The following CDKL1 variants were observed in gnomAD, a reference collection of about 807,000 sequenced individuals.
CDKL1 encodes cyclin dependent kinase like 1, also known as cyclin-dependent kinase-like 1.
Under a neutral mutation model 42.0 loss-of-function variants are expected in CDKL1, and 41 were observed. That is an observed-to-expected ratio of 0.98 (90% CI 0.76 to 1.27). The LOEUF (loss-of-function observed/expected upper bound fraction) is 1.27, where lower values mean the gene tolerates loss of function less well. Ranked by LOEUF, CDKL1 falls within the 50% of genes most tolerant of loss-of-function variation. The probability of loss-of-function intolerance (pLI) is 0.00; values close to 1 mark genes in which losing one functional copy is unlikely to be tolerated. For synonymous variants in CDKL1, 153 were observed against 158.6 expected (o/e 0.96, Z 0.26); for missense variants, 394 against 428.4 (o/e 0.92, Z 0.71).
At chr14:50,396,703 C>A (rs1324097926) in intron 1 of CDKL1, 121 bp downstream of exon 1, 2 of 157,416 alleles carry the variant, frequency 1.3e-5, no homozygotes, top group African/African-American at 2.4e-5. Flanking sequence ...CGCCCCACGC[C>A]CCCGGGACTG....
intron 2 of CDKL1, chr14:50,363,164 C>T (rs1019061719): frequency 8.7e-6 from 2 of 230,476 alleles, no homozygotes; most frequent in Admixed American, 4.5e-5. Flanking sequence ...TCAACACATC[C>T]GAACATCAGA....
chr14:50,357,034 T>G (rs971205833), intron 3 of CDKL1: 4 of 152,244 alleles, frequency 2.6e-5, no homozygotes, highest in Admixed American at 2.6e-4. Context: ...TCAAATTCCC[T>G]GTAACATCCC....
At chr14:50,392,780 T>C (rs1014881925) in intron 2 of CDKL1, among the ~76,000 whole-genome samples, 2 of 152,298 alleles carry the variant, frequency 1.3e-5, no homozygotes, top group African/African-American at 4.8e-5. Flanking sequence ...CAACTCAAAC[T>C]TAACCTGTCC....
intron 2 of CDKL1, among the ~76,000 whole-genome samples, chr14:50,382,493 C>A (rs1379477553): frequency 1.3e-5 from 2 of 151,992 alleles, no homozygotes; most frequent in African/African-American, 2.4e-5. Context: ...GTGAAAGACA[C>A]AAGCCTTGCC....
Position 50,395,978 on chromosome 14 carries a change from A to AC in CDKL1, c.-111_-110insG. On this transcript the variant is annotated 5_prime_UTR_variant, in exon 2 of 10. An upstream open reading frame in the 5' UTR loses its in-frame stop. Coordinates refer to ENST00000395834, the MANE Select transcript of CDKL1 (RefSeq NM_004196.7). ...GGCGGGCAGATCACCTGAGGTCAGG[A>AC]GTTCGAGACCAGTCTGGCCAACATA... 9.1e-7 allele frequency: 1 copy of AC among 1,100,562 alleles called. No homozygotes were observed. The highest frequency in any genetic ancestry group is 1.3e-6 in the Non-Finnish European group (1 of 749,448). 68.2% of individuals were successfully genotyped at this position (1,100,562 alleles called of 1,614,324 possible). A position where few individuals can be genotyped will look rare whatever the true frequency, so the allele number is the denominator to read the frequency against.
At chr14:50,357,676 T>C (rs1258545930) in intron 3 of CDKL1, among the ~76,000 whole-genome samples, 1 of 152,198 alleles carries the variant, frequency 6.6e-6, no homozygotes, top group East Asian at 1.9e-4. Flanking sequence ...GCAACAGTAA[T>C]AGGCCCCAGG....
chr14:50,376,612 A>T (rs1801029517), intron 2 of CDKL1, among the ~76,000 whole-genome samples: 1 of 152,232 alleles, frequency 6.6e-6, no homozygotes, highest in Non-Finnish European at 1.5e-5. Context: ...GCTACTGAGT[A>T]ATTTTATAAA....
chr14:50,336,377 A>G (rs1203378367), intron 7 of CDKL1, among the ~76,000 whole-genome samples: 3 of 152,134 alleles, frequency 2.0e-5, no homozygotes, highest in Non-Finnish European at 2.9e-5. Context: ...CAGACAAGTG[A>G]ACAGGAAATC....
chr14:50,348,327 C>A (rs2033793900), intron 3 of CDKL1, among the ~76,000 whole-genome samples: 1 of 152,184 alleles, frequency 6.6e-6, no homozygotes, highest in Non-Finnish European at 1.5e-5. Flanking sequence ...CCTCCTCTAT[C>A]ATTTGCCCAT....
chr14:50,374,371 A>T (rs984750077), intron 2 of CDKL1, among the ~76,000 whole-genome samples: 4 of 152,254 alleles, frequency 2.6e-5, no homozygotes, highest in African/African-American at 9.6e-5. Context: ...GCATTGGGCA[A>T]AATGCATAGA....
At chr14:50,361,207 A>G (rs1459507504) in intron 2 of CDKL1, among the ~76,000 whole-genome samples, 1 of 152,232 alleles carries the variant, frequency 6.6e-6, no homozygotes, top group Non-Finnish European at 1.5e-5. Flanking sequence ...ACTGCATGCT[A>G]CAGCACATTT....
At chr14:50,396,405 GCCTAGAGTTAGCTGCCTC>G in intron 1 of CDKL1, 76 bp from the exon 2 acceptor site, 1 of 985,622 alleles carries the variant, frequency 1.0e-6, no homozygotes, top group Non-Finnish European at 1.2e-6. Flanking sequence ...AGGAGTAACA[GCCTAGAGTTAGCTGCCTC>G]CAGTAACCCG....
chr14:50,376,389 A>G (rs1051095817), intron 2 of CDKL1: 18 of 471,074 alleles, frequency 3.8e-5, no homozygotes, highest in Non-Finnish European at 7.9e-5. Flanking sequence ...ATCATTGCAT[A>G]AAAATATCCA....
chr14:50,349,217 T>G (rs181543008), intron 3 of CDKL1, among the ~76,000 whole-genome samples: 2 of 152,152 alleles, frequency 1.3e-5, no homozygotes, highest in Non-Finnish European at 2.9e-5. Flanking sequence ...TAGAAGACAC[T>G]AAAATAATGA....
At chr14:50,356,597 A>G (rs971538207) in intron 3 of CDKL1, among the ~76,000 whole-genome samples, 4 of 152,194 alleles carry the variant, frequency 2.6e-5, no homozygotes, top group African/African-American at 4.8e-5. Flanking sequence ...CAAACACCAC[A>G]TGTTCTCACT....
chr14:50,395,766 ACTT>A lies in CDKL1; in HGVS notation c.100_102del (p.Lys34del), dbSNP rs758742442. ...ACAGGGTCATCTTCTGATTCCAGAA[ACTT>A]CTTGATGGCCACAATCTGACCCGTG... On this transcript the variant is annotated inframe_deletion, in exon 2 of 10. Coordinates refer to ENST00000395834, the MANE Select transcript of CDKL1 (RefSeq NM_004196.7). 2 of 1,613,914 alleles carry A rather than the reference ACTT, an allele frequency of 1.2e-6. No homozygotes were observed. The highest frequency in any genetic ancestry group is 1.7e-6 in the Non-Finnish European group (2 of 1,179,880).
chr14:50,333,024 CTA>C (rs2033052856), intron 8 of CDKL1: 1 of 194,032 alleles, frequency 5.2e-6, no homozygotes, highest in Non-Finnish European at 1.0e-5. Flanking sequence ...TCATTCTTAA[CTA>C]TTTTTGTTGC....
At chr14:50,380,125 C>T (rs776226479) in intron 2 of CDKL1, 2 of 521,680 alleles carry the variant, frequency 3.8e-6, no homozygotes, top group Middle Eastern at 3.2e-4. Context: ...GTTCTATGAC[C>T]TGTGAAGTAA....
At chr14:50,335,921 GAAAA>G (rs112444859) in intron 7 of CDKL1, 1 of 1,253,566 alleles carries the variant, frequency 8.0e-7, no homozygotes, top group Admixed American at 2.7e-5. Flanking sequence ...GTCAACAGGA[GAAAA>G]AAAAAATCCT....
Sources: gnomAD v4.1 joint callset for allele counts (sites outside exome capture counted in the v4.1 genomes callset) on GRCh38, gnomAD v4.1.1 for gene constraint, MANE v1.5 for transcripts, NCBI Gene and HGNC (gene_info 2026-07-23, HGNC 2026-07-21) for gene names.